Variants in ZNF846 observed in about 807,000 individuals in gnomAD.
ZNF846 encodes zinc finger protein 846.
A neutral mutation model predicts 16.0 loss-of-function variants in ZNF846; 15 were observed. The ratio of observed to expected loss-of-function variants is 0.94; its 90% confidence interval spans 0.63 to 1.45. The LOEUF (loss-of-function observed/expected upper bound fraction) is 1.45. ZNF846 is among the 40% of genes most tolerant of loss of function. ZNF846 has a pLI of 0.00. For missense variants in ZNF846, 714 were observed against 622.3 expected (o/e 1.15, Z -1.57); for synonymous variants, 229 against 212.0 (o/e 1.08, Z -0.70).
At chr19:9,757,401 G>A (rs2045148253), downstream of ZNF846, 11 of 1,211,164 alleles carry the variant, frequency 9.1e-6, no homozygotes, top group Non-Finnish European at 1.3e-5. Context: ...AGTGAAGGTT[G>A]TTCATATTCT....
At chr19:9,764,320 G>A (rs1184846470) in intron 2 of ZNF846, among the ~76,000 whole-genome samples, 1 of 152,138 alleles carries the variant, frequency 6.6e-6, no homozygotes. Flanking sequence ...AATTGTTACT[G>A]CTGATTAATA....
downstream of ZNF846, among the ~76,000 whole-genome samples, chr19:9,753,862 G>A (rs2045107915): frequency 6.6e-6 from 1 of 151,586 alleles, no homozygotes; most frequent in South Asian, 2.1e-4. Context: ...ATATGCTTGA[G>A]AAAAATGTGT....
At chr19:9,764,954 T>C in exon 2 of ZNF846, 3 of 1,614,142 alleles carry the variant, frequency 1.9e-6, no homozygotes, top group Non-Finnish European at 2.5e-6. Context: ...AATCCATCAG[T>C]AATCCATCAG....
chr19:9,775,380 A>G (rs915467157), intron 1 of ZNF846, among the ~76,000 whole-genome samples: 2 of 152,176 alleles, frequency 1.3e-5, no homozygotes, highest in East Asian at 3.8e-4. Flanking sequence ...TAAAGCCTCT[A>G]CAATTAAAAC....
chr19:9,776,915 G>A (rs766578587), intron 1 of ZNF846, among the ~76,000 whole-genome samples: 25 of 151,938 alleles, frequency 1.6e-4, no homozygotes, highest in Admixed American at 3.9e-4. Flanking sequence ...AGCCTAGTGG[G>A]AAGTTTCTAA....
At chr19:9,761,820 G>A (rs1387179944) in intron 4 of ZNF846, among the ~76,000 whole-genome samples, 1 of 152,084 alleles carries the variant, frequency 6.6e-6, no homozygotes, top group Non-Finnish European at 1.5e-5. Flanking sequence ...ATAAGAAGGT[G>A]TTGGCAAAGG....
chr19:9,754,462 G>T (rs1257358904), downstream of ZNF846, among the ~76,000 whole-genome samples: 1 of 150,208 alleles, frequency 6.7e-6, no homozygotes, highest in African/African-American at 2.5e-5. Flanking sequence ...TACTCAGGAG[G>T]CTGAGGCAGA....
At chr19:9,783,672 T>A (rs2045528850) in intron 1 of ZNF846, among the ~76,000 whole-genome samples, 1 of 149,428 alleles carries the variant, frequency 6.7e-6, no homozygotes, top group South Asian at 2.1e-4. Context: ...AGTCACCGTG[T>A]CCGGCCAGTT....
chr19:9,770,480 CTT>C (rs565850988), upstream of ZNF846, among the ~76,000 whole-genome samples: 18 of 130,078 alleles, frequency 1.4e-4, no homozygotes, highest in Middle Eastern at 3.8e-3. Flanking sequence ...TGGGTTTTCT[CTT>C]TTTTTTTTTT....
At chr19:9,785,529 C>A (rs1377402396) in intron 1 of ZNF846, among the ~76,000 whole-genome samples, 1 of 145,332 alleles carries the variant, frequency 6.9e-6, no homozygotes, top group Admixed American at 6.9e-5. Flanking sequence ...CTCCCCGCCC[C>A]CGTCTCTCGC....
chr19:9,783,544 A>AAATAT (rs1555714920), intron 1 of ZNF846, among the ~76,000 whole-genome samples: 2 of 108,836 alleles, frequency 1.8e-5, no homozygotes, highest in Non-Finnish European at 3.4e-5. Flanking sequence ...AAAAAAAAAA[A>AAATAT]ATATATATAT....
At position 9,757,903 on chromosome 19, in the gene ZNF846, T is replaced by A. The variant is rs2045158077; in HGVS notation, c.1174A>T (p.Lys392Ter). The A allele has an allele frequency of 6.2e-7, 1 of 1,613,678 alleles. No individual in the cohort carries two copies. The highest frequency in any genetic ancestry group is 8.5e-7 in the Non-Finnish European group (1 of 1,180,040). ...CCACATTCTTTACATTCATAGGGCT[T>A]TTCTCCAGTATGTGTTCTCATGTGT... is the stretch of plus-strand genomic sequence containing the variant. Residue 392 changes from lysine to a stop codon, truncating the protein, a stop_gained, in exon 6 of 6, where the codon AAG (lysine) becomes TAG (stop). Transcript: ENST00000397902. LOFTEE classifies it low-confidence loss of function (END_TRUNC).
chr19:9,757,625 C>T (rs759780928), exon 6 of ZNF846: 54 of 1,613,484 alleles, frequency 3.3e-5, no homozygotes, highest in Middle Eastern at 1.6e-4. Context: ...TGAAGGCTTT[C>T]CCACATTCTT....
intron 1 of ZNF846, among the ~76,000 whole-genome samples, chr19:9,778,526 C>T (rs897092778): frequency 5.9e-5 from 9 of 151,962 alleles, no homozygotes; most frequent in African/African-American, 2.2e-4. Flanking sequence ...ATGAGGGGGC[C>T]GGGCACTGTG....
downstream of ZNF846, among the ~76,000 whole-genome samples, chr19:9,757,018 A>C (rs925427827): frequency 2.0e-5 from 3 of 149,810 alleles, no homozygotes; most frequent in Admixed American, 2.0e-4. Flanking sequence ...ACATGGTGAA[A>C]CCCTGTCTCT....
intron 1 of ZNF846, among the ~76,000 whole-genome samples, chr19:9,785,062 T>TC (rs1013583658): frequency 1.2e-4 from 18 of 152,172 alleles, no homozygotes; most frequent in Admixed American, 3.3e-4. Context: ...CTCTTTCTTT[T>TC]CCCCCGCACA....
At chr19:9,763,355 A>C (rs780676732) in exon 3 of ZNF846, 2 of 1,611,602 alleles carry the variant, frequency 1.2e-6, no homozygotes, top group African/African-American at 2.7e-5. Flanking sequence ...GATCCAACAA[A>C]GTCCACTCCT....
intron 1 of ZNF846, among the ~76,000 whole-genome samples, chr19:9,784,043 G>A (rs965761491): frequency 3.9e-5 from 6 of 152,050 alleles, no homozygotes; most frequent in African/African-American, 1.4e-4. Context: ...AAAAGTCCAG[G>A]CCCATGTAGA....
At chr19:9,779,880 CTTT>C (rs770205406) in intron 1 of ZNF846, among the ~76,000 whole-genome samples, 1 of 140,608 alleles carries the variant, frequency 7.1e-6, no homozygotes, top group African/African-American at 2.6e-5. Flanking sequence ...GCCATCACGA[CTTT>C]TTTTTTTTTT....
Sources: gnomAD v4.1 joint callset for allele counts (sites outside exome capture counted in the v4.1 genomes callset) on GRCh38, gnomAD v4.1.1 for gene constraint, MANE v1.5 for transcripts, NCBI Gene and HGNC (gene_info 2026-07-23, HGNC 2026-07-21) for gene names.